NMRK1: variants seen among roughly 807,000 people sequenced by gnomAD.
The protein encoded by NMRK1 is nicotinamide riboside kinase 1, also known as NRK 1.
NMRK1 carries 28 observed loss-of-function variants against 29.9 expected under a neutral mutation model. That is an observed-to-expected ratio of 0.94 (90% CI 0.69 to 1.28). The LOEUF (loss-of-function observed/expected upper bound fraction) is 1.28, where lower values mean the gene tolerates loss of function less well. NMRK1 is among the 50% of genes most tolerant of loss of function. NMRK1 has a pLI of 0.00. For missense variants in NMRK1, 218 were observed against 233.1 expected, an observed-to-expected ratio of 0.94 and a Z score of 0.42; for synonymous variants, 58 against 73.0, an observed-to-expected ratio of 0.79 and a Z score of 1.05.
intron 8 of NMRK1, chr9:75,066,284 C>T (rs760694682): frequency 2.7e-5 from 14 of 518,348 alleles, no homozygotes; most frequent in East Asian, 1.1e-4. Flanking sequence ...CAAACAGTGC[C>T]GTCCAATATG....
chr9:75,078,571 T>C (rs1411824059), intron 2 of NMRK1: 8 of 1,273,358 alleles, frequency 6.3e-6, no homozygotes, highest in Non-Finnish European at 7.9e-6. Flanking sequence ...TGTTTTAACC[T>C]GGGGCTCATG....
At chr9:75,067,589 G>A (rs140870543) in intron 7 of NMRK1, among the ~76,000 whole-genome samples, 5 of 152,298 alleles carry the variant, frequency 3.3e-5, no homozygotes, top group East Asian at 3.9e-4. Flanking sequence ...TACCTCAGTC[G>A]TTAGAGGCCT....
At chr9:75,086,283 T>C (rs576338773) in intron 1 of NMRK1, among the ~76,000 whole-genome samples, 1 of 152,270 alleles carries the variant, frequency 6.6e-6, no homozygotes, top group Non-Finnish European at 1.5e-5. Context: ...ATGAAGCAAA[T>C]GCAAGCTTCG....
chr9:75,081,466 A>G (rs1824316468), intron 2 of NMRK1, among the ~76,000 whole-genome samples: 1 of 152,206 alleles, frequency 6.6e-6, no homozygotes, highest in Non-Finnish European at 1.5e-5. Context: ...CTTGCTAAAT[A>G]AAAGATAGTG....
chr9:75,070,806 C>G (rs1823654572), intron 4 of NMRK1, among the ~76,000 whole-genome samples: 1 of 152,042 alleles, frequency 6.6e-6, no homozygotes, highest in Non-Finnish European at 1.5e-5. Context: ...TTTCTTTGTT[C>G]TGGTGTTAGT....
chr9:75,072,731 AT>A lies in NMRK1; in HGVS notation c.170-2690del, dbSNP rs1210126200. On this transcript the variant is annotated intron_variant, in intron 4 of 8. Coordinates refer to ENST00000361092, the MANE Select transcript of NMRK1 (RefSeq NM_017881.3). ...ATGCTTACTTTTCAAACATTTGGTT[AT>A]TGATTTTTAATTTACTTCATGGTGA... Among the ~76,000 whole-genome samples, 4 of 152,318 alleles carry A rather than the reference AT, an allele frequency of 2.6e-5. No individual in the cohort carries two copies. The East Asian group carries it at 7.7e-4, about 29-fold the overall frequency.
At chr9:75,079,286 T>G (rs897153996) in intron 2 of NMRK1, among the ~76,000 whole-genome samples, 1 of 152,246 alleles carries the variant, frequency 6.6e-6, no homozygotes, top group African/African-American at 2.4e-5. Flanking sequence ...GGTGCTACCC[T>G]ATGTATCAAG....
At position 75,077,557 on chromosome 9, in the gene NMRK1, G is replaced by A. The variant is rs1182056130; in HGVS notation, c.53C>T (p.Thr18Ile). 3.1e-6 allele frequency: 5 copies of A among 1,613,484 alleles called. No homozygotes were observed. Among genetic ancestry groups the A allele is most frequent in the Non-Finnish European group, 4.2e-6 (5 of 1,179,458 alleles). ...ISGVTNSGKT[T>I]LAKNLQKHLP... ...GTGTTTCTGCAAATTCTTAGCCAGT[G>A]TTGTTTTGCCACTGTTTGTCACACT... The change falls in exon 3 of 9, where the codon ACA (threonine) becomes ATA (isoleucine). Residue 18 changes from threonine to isoleucine, a missense_variant. By Grantham distance (89) the Thr-to-Ile change is moderately conservative (BLOSUM62 -1). Coordinates refer to ENST00000361092, the MANE Select transcript of NMRK1 (RefSeq NM_017881.3).
intron 6 of NMRK1, 73 bp downstream of exon 6, chr9:75,069,669 T>C: frequency 8.4e-7 from 1 of 1,187,364 alleles, no homozygotes; most frequent in Non-Finnish European, 1.2e-6. Context: ...TGCTCAATAA[T>C]GTTGCTGTCC....
intron 2 of NMRK1, chr9:75,078,218 G>C: frequency 1.3e-6 from 2 of 1,488,874 alleles, no homozygotes; most frequent in Non-Finnish European, 1.8e-6. Flanking sequence ...CAGAGAATAT[G>C]AGTAGCACAT....
chr9:75,077,146 T>G lies in NMRK1; in HGVS notation c.169+13A>C. 2 of 1,488,150 alleles carry G rather than the reference T, an allele frequency of 1.3e-6. No homozygotes were observed. The highest frequency in any genetic ancestry group is 1.9e-6 in the Non-Finnish European group (2 of 1,073,526). 92.2% of individuals were successfully genotyped at this position (1,488,150 alleles called of 1,614,324 possible). ...ACATAAGCATATAATATTTGACAAG[T>G]AAATCTACTTACCATCGTACTGCAA... On this transcript the variant is annotated intron_variant, in intron 4 of 8. Coordinates refer to ENST00000361092, the MANE Select transcript of NMRK1 (RefSeq NM_017881.3).
At chr9:75,068,070 C>T (rs1427732092) in intron 7 of NMRK1, among the ~76,000 whole-genome samples, 1 of 152,154 alleles carries the variant, frequency 6.6e-6, no homozygotes, top group Non-Finnish European at 1.5e-5. Context: ...ATGCATTCCT[C>T]CCTTACAGGT....
At chr9:75,073,215 T>C (rs1251148909) in intron 4 of NMRK1, among the ~76,000 whole-genome samples, 1 of 152,106 alleles carries the variant, frequency 6.6e-6, no homozygotes, top group Non-Finnish European at 1.5e-5. Flanking sequence ...ACTGGGGTGA[T>C]GCAGCCGAAA....
intron 4 of NMRK1, among the ~76,000 whole-genome samples, chr9:75,072,956 T>C (rs1823782099): frequency 1.3e-5 from 2 of 152,232 alleles, no homozygotes; most frequent in Admixed American, 1.3e-4. Flanking sequence ...AAATCTGTTA[T>C]ATCATTAGCA....
intron 8 of NMRK1, chr9:75,066,175 A>G: frequency 2.2e-6 from 1 of 463,658 alleles, no homozygotes; most frequent in Non-Finnish European, 4.3e-6. Flanking sequence ...ACAATGGAAC[A>G]CTAGGCATAA....
intron 4 of NMRK1, among the ~76,000 whole-genome samples, chr9:75,071,416 A>G (rs1418999190): frequency 1.3e-5 from 2 of 152,126 alleles, no homozygotes; most frequent in Non-Finnish European, 2.9e-5. Context: ...TTGCAATATT[A>G]TGTTTACAGC....
chr9:75,066,228 A>C (rs866892840), intron 8 of NMRK1: 2 of 517,076 alleles, frequency 3.9e-6, no homozygotes, highest in South Asian at 1.4e-5. Flanking sequence ...TTACCCCTGT[A>C]CTGTCTTTCT....
At chr9:75,066,669 C>T in intron 8 of NMRK1, 88 bp downstream of exon 8, 1 of 808,722 alleles carries the variant, frequency 1.2e-6, no homozygotes, top group Non-Finnish European at 2.2e-6. Context: ...CCTACACTAG[C>T]ATTCTGGTAT....
At chr9:75,064,765 G>A (rs1161637399) in intron 8 of NMRK1, among the ~76,000 whole-genome samples, 1 of 152,098 alleles carries the variant, frequency 6.6e-6, no homozygotes, top group Middle Eastern at 3.2e-3. Flanking sequence ...TTTGGACTAG[G>A]GCAATTGCTT....
Sources: gnomAD v4.1 joint callset for allele counts (sites outside exome capture counted in the v4.1 genomes callset) on GRCh38, gnomAD v4.1.1 for gene constraint, MANE v1.5 for transcripts, NCBI Gene and HGNC (gene_info 2026-07-23, HGNC 2026-07-21) for gene names.